The following ZBTB12 variants were observed in gnomAD, a reference collection of about 807,000 sequenced individuals.
ZBTB12 encodes the protein zinc finger and BTB domain-containing protein 12.
ZBTB12 carries 1 observed loss-of-function variant against 6.4 expected under a neutral mutation model. The observed-to-expected ratio is 0.16, with a 90% CI of 0.06 to 0.74. The LOEUF is 0.74. Ranked by LOEUF, ZBTB12 falls within the 30% of genes least tolerant of loss-of-function variation. ZBTB12 has a pLI of 0.78. For missense variants in ZBTB12, 344 were observed against 613.9 expected (o/e 0.56, Z 4.65); for synonymous variants, 273 against 262.5 (o/e 1.04, Z -0.39).
Position 31,901,039 on chromosome 6 carries a change from G to C in ZBTB12, c.267C>G (p.Tyr89Ter). ...TAACAGCGAATTCCAAGGCGCCCGT[G>C]TAGCAGGAGAGGAGCAAGTCGGCCA... is the stretch of plus-strand genomic sequence containing the variant. ...RIVADLLLSC[Y>*]TGALEFAVRD... The change falls in exon 2 of 2, where the codon TAC (tyrosine) becomes TAG (stop). Residue 89 changes from tyrosine to a stop codon, truncating the protein, a stop_gained. Coordinates refer to ENST00000375527, the MANE Select transcript of ZBTB12 (RefSeq NM_181842.3). LOFTEE classifies it high-confidence loss of function. 1 of 1,614,232 alleles carries C rather than the reference G, an allele frequency of 6.2e-7. No individual in the cohort carries two copies. Among genetic ancestry groups the C allele is most frequent in the Non-Finnish European group, 8.5e-7 (1 of 1,180,052 alleles).
At position 31,900,652 on chromosome 6, in the gene ZBTB12, C is replaced by T. The variant is rs2151689072; in HGVS notation, c.654G>A (p.Glu218=). Residue 218 remains glutamate (E), a synonymous_variant, in exon 2 of 2, where the codon GAG becomes GAA. Transcript: ENST00000375527. This position sits in a 1 kb window ranked among gnomAD's most constrained non-coding sequence, Gnocchi z 9.7. ...ICIVKVESAL[E]VAHRLKPPGG... is the part of the protein sequence containing the mutation. ...CAGGGGGTTTGAGCCGGTGTGCCAC[C>T]TCCAGGGCCGACTCCACCTTGACGA... 1 of 1,612,872 alleles carries T rather than the reference C, an allele frequency of 6.2e-7. No homozygotes were observed. Among genetic ancestry groups the T allele is most frequent in the East Asian group, 2.2e-5 (1 of 44,884 alleles).
chr6:31,901,299 A>C lies in ZBTB12; in HGVS notation c.7T>G (p.Ser3Ala), dbSNP rs753174807. Residue 3 changes from serine (S) to alanine (A), a missense_variant, in exon 2 of 2, where the codon TCT (serine) becomes GCT (alanine). Physicochemically the swap from Ser to Ala is moderately conservative, Grantham distance 99. Transcript: ENST00000375527. MA[S>A]GVEVLRFQLP... ...TGGAAGCGCAGGACTTCCACCCCAG[A>C]GGCCATTGTGGCGGGGGTGGGCAAC... The C allele has an allele frequency of 3.7e-6, 6 of 1,607,654 alleles. No homozygotes were observed. Among genetic ancestry groups the C allele is most frequent in the South Asian group, 3.3e-5 (3 of 90,868 alleles).
In ZBTB12 at chr6:31,900,305, T is replaced by C. The variant is rs1396744425; in HGVS notation, c.1001A>G (p.Lys334Arg). 5.0e-6 allele frequency: 8 copies of C among 1,612,232 alleles called. No homozygotes were observed. Among genetic ancestry groups the C allele is most frequent in the African/African-American group, 2.7e-5 (2 of 74,866 alleles). Reference sequence around the variant, plus strand: ...GAACACTTCCGGGCACTTGGTGCACTTGATGTTCTTTAAGGGGTTTCCACC... The same window carrying C: ...GAACACTTCCGGGCACTTGGTGCACCTGATGTTCTTTAAGGGGTTTCCACC... ...FSGGNPLKNI[K>R]CTKCPEVFQG... Residue 334 changes from lysine to arginine, a missense_variant, in exon 2 of 2, where the codon AAG becomes AGG. Lys to Arg is a conservative substitution (Grantham distance 26). Coordinates refer to ENST00000375527, the MANE Select transcript of ZBTB12 (RefSeq NM_181842.3). The surrounding 1 kb of genome is among the most constrained non-coding windows in gnomAD (Gnocchi z 9.7).
chr6:31,900,296 T>G lies in ZBTB12; in HGVS notation c.1010A>C (p.Lys337Thr). Residue 337 changes from lysine (K) to threonine (T), a missense_variant, in exon 2 of 2, where the codon AAG (lysine) becomes ACG (threonine). Physicochemically the swap from Lys to Thr is moderately conservative, Grantham distance 78 (BLOSUM62 -1). Coordinates refer to ENST00000375527, the MANE Select transcript of ZBTB12 (RefSeq NM_181842.3). The surrounding 1 kb of genome is among the most constrained non-coding windows in gnomAD (Gnocchi z 9.7). ...CACGCCCTGGAACACTTCCGGGCAC[T>G]TGGTGCACTTGATGTTCTTTAAGGG... ...GNPLKNIKCT[K>T]CPEVFQGVEK... The G allele has an allele frequency of 6.2e-7, 1 of 1,612,724 alleles. No individual in the cohort carries two copies. Among genetic ancestry groups the G allele is most frequent in the South Asian group, 1.1e-5 (1 of 91,026 alleles).
rs1051830114 is a variant in ZBTB12 at position 31,901,147 on chromosome 6, G to A, written c.159C>T (p.Ala53=). Residue 53 remains alanine (A), a synonymous_variant, in exon 2 of 2, where the codon GCC becomes GCT. Coordinates refer to ENST00000375527, the MANE Select transcript of ZBTB12 (RefSeq NM_181842.3). ...ACTGGTCCCGCAGGAAGGGTGAGCA[G>A]GCGGCCAAGATGACCTTGTGGCCTC... ...KFRGHKVILA[A]CSPFLRDQFL... The A allele has an allele frequency of 6.2e-7, 1 of 1,613,736 alleles. No individual in the cohort carries two copies. The highest frequency in any genetic ancestry group is 8.5e-7 in the Non-Finnish European group (1 of 1,180,054).
At position 31,900,379 on chromosome 6, in the gene ZBTB12, G is replaced by T; in HGVS notation, c.927C>A (p.Gly309=). ...AVAMAARGAG[G]SLGAGGSRGP... is the part of the protein sequence containing the mutation. Reference sequence around the variant, plus strand: ...CCCGGCTGCCCCCCGCCCCCAGGCTGCCCCCCGCCCCCCGGGCAGCCATGG... The same window carrying T: ...CCCGGCTGCCCCCCGCCCCCAGGCTTCCCCCCGCCCCCCGGGCAGCCATGG... The change falls in exon 2 of 2, where the codon GGC becomes GGA. Residue 309 remains glycine (G), a synonymous_variant. Transcript: ENST00000375527. The surrounding 1 kb of genome is among the most constrained non-coding windows in gnomAD (Gnocchi z 9.7). 6.5e-7 allele frequency: 1 copy of T among 1,541,788 alleles called. No individual in the cohort carries two copies.
Position 31,900,736 on chromosome 6 carries a change from C to T in ZBTB12, c.570G>A (p.Leu190=), listed in dbSNP as rs746242826. 3 of 1,595,666 alleles carry T rather than the reference C, an allele frequency of 1.9e-6. No homozygotes were observed. Residue 190 remains leucine (L), a synonymous_variant, in exon 2 of 2, where the codon TTG becomes TTA. Coordinates refer to ENST00000375527, the MANE Select transcript of ZBTB12 (RefSeq NM_181842.3). This position sits in a 1 kb window ranked among gnomAD's most constrained non-coding sequence, Gnocchi z 9.7. ...VKLEFPLDED[L]ELKAEEEDED... ...CATCCTCTTCCTCGGCTTTCAGCTC[C>T]AAGTCTTCATCCAGTGGGAACTCCA...
In ZBTB12 at chr6:31,901,291, C is replaced by G; in HGVS notation, c.15G>C (p.Val5=). The stretch of plus-strand genomic sequence containing the variant: ...CGGGCAGCTGGAAGCGCAGGACTTC[C>G]ACCCCAGAGGCCATTGTGGCGGGGG... The part of the protein sequence containing the change: MASG[V]EVLRFQLPGH... The change falls in exon 2 of 2, where the codon GTG becomes GTC. Residue 5 remains valine, a synonymous_variant. Transcript: ENST00000375527. 4 of 1,611,628 alleles carry G rather than the reference C, an allele frequency of 2.5e-6. No individual in the cohort carries two copies. The highest frequency in any genetic ancestry group is 3.4e-6 in the Non-Finnish European group (4 of 1,178,822).
At position 31,901,006 on chromosome 6, in the gene ZBTB12, G is replaced by T; in HGVS notation, c.300C>A (p.Ile100=). Reference sequence around the variant, plus strand: ...AGGAGGCGGCTGTAAGGTAGTTGACGATGTCCCTAACAGCGAATTCCAAGG... The same window carrying T: ...AGGAGGCGGCTGTAAGGTAGTTGACTATGTCCCTAACAGCGAATTCCAAGG... ...TGALEFAVRD[I]VNYLTAASYL... The change falls in exon 2 of 2, where the codon ATC becomes ATA. Residue 100 remains isoleucine (I), a synonymous_variant. Transcript: ENST00000375527. 1.2e-6 allele frequency: 2 copies of T among 1,614,188 alleles called. No homozygotes were observed. The highest frequency in any genetic ancestry group is 1.7e-6 in the Non-Finnish European group (2 of 1,180,028).
chr6:31,899,906 T>A lies in ZBTB12; in HGVS notation c.*20A>T, dbSNP rs1462930400. 6.5e-7 allele frequency: 1 copy of A among 1,548,304 alleles called. No homozygotes were observed. The highest frequency in any genetic ancestry group is 8.7e-7 in the Non-Finnish European group (1 of 1,147,194). ...ACGCAGCCCAGGGGCCCCAGCCTCCTGGCCTCCACGCCTGCGCGGCTAGCG... is the reference window on the plus strand; with the variant it reads ...ACGCAGCCCAGGGGCCCCAGCCTCCAGGCCTCCACGCCTGCGCGGCTAGCG... On this transcript the variant is annotated 3_prime_UTR_variant, in exon 2 of 2. Transcript: ENST00000375527.
chr6:31,900,460 G>C lies in ZBTB12; in HGVS notation c.846C>G (p.Pro282=), dbSNP rs768390998. 7 of 1,587,810 alleles carry C rather than the reference G, an allele frequency of 4.4e-6. No homozygotes were observed. Among genetic ancestry groups the C allele is most frequent in the Non-Finnish European group, 6.0e-6 (7 of 1,168,976 alleles). The change falls in exon 2 of 2, where the codon CCC becomes CCG. Residue 282 remains proline (P), a synonymous_variant. Transcript: ENST00000375527. This position sits in a 1 kb window ranked among gnomAD's most constrained non-coding sequence, Gnocchi z 9.7. ...DAEGEGLLLI[P]GGRASVGATS... ...TGGCCCCCACGCTGGCCCGGCCTCCGGGAATCAACAGCAGGCCCTCCCCTT... is the reference window on the plus strand; with the variant it reads ...TGGCCCCCACGCTGGCCCGGCCTCCCGGAATCAACAGCAGGCCCTCCCCTT...
Position 31,900,580 on chromosome 6 carries a change from G to A in ZBTB12, c.726C>T (p.His242=). The change falls in exon 2 of 2, where the codon CAC becomes CAT. Residue 242 remains histidine, a synonymous_variant. Coordinates refer to ENST00000375527, the MANE Select transcript of ZBTB12 (RefSeq NM_181842.3). This position sits in a 1 kb window ranked among gnomAD's most constrained non-coding sequence, Gnocchi z 9.7. ...CGCTGCTCTGGGCCAGCTCCCCAAG[G>A]TGGCCACCCACGGAGCCTCCAATGC... ...GLGIGGSVGG[H]LGELAQSSVP... 6.2e-7 allele frequency: 1 copy of A among 1,612,302 alleles called. No homozygotes were observed. The highest frequency in any genetic ancestry group is 8.5e-7 in the Non-Finnish European group (1 of 1,179,788).
At position 31,899,947 on chromosome 6, in the gene ZBTB12, C is replaced by T. The variant is rs1484089447; in HGVS notation, c.1359G>A (p.Glu453=). 3 of 1,589,820 alleles carry T rather than the reference C, an allele frequency of 1.9e-6. No individual in the cohort carries two copies. The highest frequency in any genetic ancestry group is 1.7e-5 in the Admixed American group (1 of 59,536). The change falls in exon 2 of 2, where the codon GAG becomes GAA. Residue 453 remains glutamate, a synonymous_variant. Transcript: ENST00000375527. ...GCGGCTAGCGGATGAGGACGTTAAT[C>T]TCGGCCACACTGGCCTCCAGCACGT... ...AENVLEASVA[E]INVLIR
chr6:31,901,611 A>G (rs749442718), intron 1 of ZBTB12, among the ~76,000 whole-genome samples: 8 of 151,672 alleles, frequency 5.3e-5, no homozygotes, highest in Non-Finnish European at 1.0e-4. Context: ...AAGGGGGGCC[A>G]GAGGCCTGGG....
rs1767132245 is a variant in ZBTB12 at position 31,900,480 on chromosome 6, C to T, written c.826G>A (p.Glu276Lys). Reference protein sequence around the residue: ...CYSLSEDAEGEGLLLIPGGRA... With the variant: ...CYSLSEDAEGKGLLLIPGGRA... ...CCTCCGGGAATCAACAGCAGGCCCT[C>T]CCCTTCTGCATCTTCCGACAGGCTA... The change falls in exon 2 of 2, where the codon GAG (glutamate) becomes AAG (lysine). Residue 276 changes from glutamate (E) to lysine (K), a missense_variant. Transcript: ENST00000375527. The surrounding 1 kb of genome is among the most constrained non-coding windows in gnomAD (Gnocchi z 9.7). The T allele has an allele frequency of 6.2e-7, 1 of 1,605,644 alleles. No individual in the cohort carries two copies. Among genetic ancestry groups the T allele is most frequent in the Non-Finnish European group, 8.5e-7 (1 of 1,177,680 alleles).
chr6:31,900,625 T>G lies in ZBTB12; in HGVS notation c.681A>C (p.Gly227=). ...CAATGCCCAGACCCCCTCCCAGGCC[T>G]CCAGGGGGTTTGAGCCGGTGTGCCA... ...LEVAHRLKPP[G]GLGGGLGIGG... Residue 227 remains glycine (G), a synonymous_variant, in exon 2 of 2, where the codon GGA becomes GGC. Coordinates refer to ENST00000375527, the MANE Select transcript of ZBTB12 (RefSeq NM_181842.3). This position sits in a 1 kb window ranked among gnomAD's most constrained non-coding sequence, Gnocchi z 9.7. 2 of 1,612,736 alleles carry G rather than the reference T, an allele frequency of 1.2e-6. No individual in the cohort carries two copies. Among genetic ancestry groups the G allele is most frequent in the Non-Finnish European group, 1.7e-6 (2 of 1,180,008 alleles).
chr6:31,901,684 C>T (rs1389616131), intron 1 of ZBTB12, among the ~76,000 whole-genome samples, 153 bp downstream of exon 1: 3 of 150,456 alleles, frequency 2.0e-5, no homozygotes, highest in Non-Finnish European at 3.0e-5. Context: ...TTACCGGCTG[C>T]CTCATTCCTC....
At position 31,901,703 on chromosome 6, in the gene ZBTB12, C is replaced by A. The variant is rs183271908; in HGVS notation, c.-21+134G>T. ...CGGCTGCCTCATTCCTCCGCCCCCC[C>A]CTTACACGTTTGCACGCGCTTTTCA... On this transcript the variant is annotated intron_variant, in intron 1 of 1. Coordinates refer to ENST00000375527, the MANE Select transcript of ZBTB12 (RefSeq NM_181842.3). The A allele has an allele frequency of 6.2e-3, 1,476 of 238,694 alleles. 20 individuals are homozygous for A. The highest frequency in any genetic ancestry group is 0.031 in the African/African-American group (1,350 of 43,004). 14.8% of individuals were successfully genotyped at this position (238,694 alleles called of 1,614,324 possible).
Position 31,900,681 on chromosome 6 carries a change from A to T in ZBTB12, c.625T>A (p.Cys209Ser). 1.2e-6 allele frequency: 2 copies of T among 1,611,960 alleles called. No homozygotes were observed. The highest frequency in any genetic ancestry group is 2.2e-5 in the South Asian group (2 of 90,908). ...AGGGCCGACTCCACCTTGACGATGC[A>T]GATGTCAGACACGTCCTCATCCTCA... Reference protein sequence around the residue: ...EDEDEDVSDICIVKVESALEV... With the variant: ...EDEDEDVSDISIVKVESALEV... Residue 209 changes from cysteine (C) to serine (S), a missense_variant, in exon 2 of 2, where the codon TGC (cysteine) becomes AGC (serine). This residue lies in a region of ZBTB12 where 241 missense variants were observed against 315.4 expected (regional missense o/e 0.76). Coordinates refer to ENST00000375527, the MANE Select transcript of ZBTB12 (RefSeq NM_181842.3). The surrounding 1 kb of genome is among the most constrained non-coding windows in gnomAD (Gnocchi z 9.7).
Sources: allele counts gnomAD v4.1 joint callset (sites outside exome capture counted in the v4.1 genomes callset), GRCh38; gene constraint gnomAD v4.1.1; regional missense constraint gnomAD v4.1.1; non-coding constraint Gnocchi (gnomAD v3.1); transcripts MANE v1.5; gene names NCBI Gene and HGNC (gene_info 2026-07-23, HGNC 2026-07-21).